Variants in TUBGCP4 observed in about 807,000 individuals in gnomAD.
TUBGCP4 encodes tubulin gamma complex component 4, also known as gamma-tubulin complex component 4.
TUBGCP4 carries 54 observed loss-of-function variants against 91.6 expected under a neutral mutation model. The ratio of observed to expected loss-of-function variants is 0.59; its 90% CI spans 0.47 to 0.74. The LOEUF is 0.74. TUBGCP4 is among the 30% of genes least tolerant of loss of function. TUBGCP4 has a pLI of 0.00. For missense variants in TUBGCP4, 593 were observed against 800.9 expected (o/e 0.74, Z 3.13); for synonymous variants, 297 against 302.8 (o/e 0.98, Z 0.20).
chr15:43,406,935 G>A lies in TUBGCP4; in HGVS notation c.*1721G>A, dbSNP rs1318094502. 4.1e-6 allele frequency: 1 copy of A among 241,478 alleles called. No homozygotes were observed. The highest frequency in any genetic ancestry group is 8.2e-6 in the Non-Finnish European group (1 of 121,820). 15.0% of individuals were successfully genotyped at this position (241,478 alleles called of 1,614,324 possible). ...GCATGAGGTCTTTTTTAACTGTCAG[G>A]AAACAGAGCTGTGCCCAATTCCACT... On this transcript the variant is annotated 3_prime_UTR_variant, in exon 18 of 18. Transcript: ENST00000564079.
At chr15:43,398,348 C>A in intron 13 of TUBGCP4, 169 bp downstream of exon 13, 4 of 618,534 alleles carry the variant, frequency 6.5e-6, no homozygotes, top group East Asian at 3.0e-5. Flanking sequence ...GATTTCAAAT[C>A]CATCCTGGGC....
chr15:43,387,894 G>C (rs2044403770), intron 9 of TUBGCP4, among the ~76,000 whole-genome samples: 3 of 152,070 alleles, frequency 2.0e-5, no homozygotes, highest in Admixed American at 2.0e-4. Flanking sequence ...TGTCACCCAG[G>C]CTGAAGTGCA....
chr15:43,371,278 G>C lies in TUBGCP4; in HGVS notation c.-77G>C. 1 of 1,427,836 alleles carries C rather than the reference G, an allele frequency of 7.0e-7. No individual in the cohort carries two copies. The highest frequency in any genetic ancestry group is 1.9e-5 in the Admixed American group (1 of 52,214). 88.4% of individuals were successfully genotyped at this position (1,427,836 alleles called of 1,614,324 possible). The stretch of plus-strand genomic sequence containing the variant: ...GGCCGGTGCGCGTGTGGAAGGGGAA[G>C]CACTCCCCTCGTGGTCGCCTGGAGG... On this transcript the variant is annotated 5_prime_UTR_variant, in exon 1 of 18. Transcript: ENST00000564079.
At chr15:43,403,400 ACT>A (rs2044739373) in intron 15 of TUBGCP4, 4 of 256,820 alleles carry the variant, frequency 1.6e-5, no homozygotes, top group Admixed American at 1.1e-4. Context: ...GCAGGAAGAC[ACT>A]CTGCGGGTCT....
At position 43,407,664 on chromosome 15, in the gene TUBGCP4, C is replaced by A; in HGVS notation, c.*2450C>A. The A allele has an allele frequency of 8.2e-7, 1 of 1,218,876 alleles. No homozygotes were observed. Among genetic ancestry groups the A allele is most frequent in the South Asian group, 1.5e-5 (1 of 65,840 alleles). The allele number at this position is 1,218,876 out of a possible 1,614,324, so 75.5% of individuals were successfully genotyped here. A position where few individuals can be genotyped will look rare whatever the true frequency, so the allele number is the denominator to read the frequency against. The stretch of plus-strand genomic sequence containing the variant: ...TTGATTCTAACCAATACATCCCACT[C>A]TGCACAAACCAAAGCCCTATTATGT... On this transcript the variant is annotated 3_prime_UTR_variant, in exon 18 of 18. Transcript: ENST00000564079.
intron 10 of TUBGCP4, 150 bp from the exon 11 acceptor site, chr15:43,395,433 A>T: frequency 1.4e-6 from 1 of 717,168 alleles, no homozygotes; most frequent in South Asian, 1.7e-5. Flanking sequence ...GGAACTAAGT[A>T]TGCCTCTTTG....
chr15:43,385,137 A>G (rs1482925006), intron 7 of TUBGCP4, among the ~76,000 whole-genome samples: 9 of 152,112 alleles, frequency 5.9e-5, no homozygotes, highest in African/African-American at 1.9e-4. Flanking sequence ...ACTTGTGGGA[A>G]ATGTTCAGTG....
At chr15:43,400,779 G>A (rs1175254472) in intron 14 of TUBGCP4, among the ~76,000 whole-genome samples, 13 of 152,086 alleles carry the variant, frequency 8.5e-5, no homozygotes, top group African/African-American at 2.4e-4. Flanking sequence ...TTAGCCAAGC[G>A]TGGTGGCGCC....
chr15:43,403,461 TAA>T (rs1451064025), intron 15 of TUBGCP4: 6 of 478,736 alleles, frequency 1.3e-5, no homozygotes, highest in Non-Finnish European at 2.3e-5. Flanking sequence ...GGTGCAGGGC[TAA>T]GAGAGTAATA....
At chr15:43,377,675 A>G in intron 4 of TUBGCP4, 172 bp from the exon 5 acceptor site, 1 of 567,444 alleles carries the variant, frequency 1.8e-6, no homozygotes, top group South Asian at 2.4e-5. Flanking sequence ...TCCTCTTCCT[A>G]TCTGCAGCGA....
intron 9 of TUBGCP4, among the ~76,000 whole-genome samples, chr15:43,387,050 T>A (rs1428266346): frequency 1.3e-5 from 2 of 152,244 alleles, no homozygotes; most frequent in Non-Finnish European, 2.9e-5. Flanking sequence ...GACTAAATTT[T>A]GTGTCTTGTA....
chr15:43,385,057 G>C (rs891056726), intron 7 of TUBGCP4, among the ~76,000 whole-genome samples: 2 of 152,192 alleles, frequency 1.3e-5, no homozygotes, highest in Non-Finnish European at 2.9e-5. Flanking sequence ...AAGTAGTGAC[G>C]ATAGGGGTGT....
chr15:43,404,317 A>C, intron 16 of TUBGCP4, 96 bp from the exon 17 acceptor site: 1 of 1,492,416 alleles, frequency 6.7e-7, no homozygotes. Flanking sequence ...AATTTTGAAC[A>C]AGGCTTTTCC....
chr15:43,382,249 AAAAAGG>A (rs1167374043), intron 6 of TUBGCP4, among the ~76,000 whole-genome samples: 1 of 144,810 alleles, frequency 6.9e-6, no homozygotes, highest in African/African-American at 2.7e-5. Flanking sequence ...AAAATAAAAG[AAAAAGG>A]GATTCTCTTA....
In TUBGCP4 at chr15:43,406,885, G is replaced by C. The variant is rs1041112443; in HGVS notation, c.*1671G>C. On this transcript the variant is annotated 3_prime_UTR_variant, in exon 18 of 18. Transcript: ENST00000564079. ...AGAGTTGGGGAGTACCCACAGGTGA[G>C]CTGTGATCTCAGCTCAGAGAGAGAG... The C allele has an allele frequency of 7.3e-6, 2 of 275,658 alleles. No individual in the cohort carries two copies. The highest frequency in any genetic ancestry group is 7.1e-6 in the Non-Finnish European group (1 of 140,516). The allele number at this position is 275,658 out of a possible 1,614,324, so 17.1% of individuals were successfully genotyped here.
At chr15:43,398,695 C>G (rs1383161032) in intron 13 of TUBGCP4, among the ~76,000 whole-genome samples, 1 of 152,138 alleles carries the variant, frequency 6.6e-6, no homozygotes, top group East Asian at 1.9e-4. Context: ...AAGGTCTCTC[C>G]CTCACTTTTG....
At chr15:43,396,328 G>C (rs2142861848) in intron 11 of TUBGCP4, among the ~76,000 whole-genome samples, 1 of 152,296 alleles carries the variant, frequency 6.6e-6, no homozygotes, top group Middle Eastern at 3.4e-3. Context: ...CCCTATCCCT[G>C]TATCAGTCAA....
At position 43,400,342 on chromosome 15, in the gene TUBGCP4, C is replaced by T. The variant is rs1264463508; in HGVS notation, c.1596+121C>T. 3.4e-5 allele frequency: 23 copies of T among 682,748 alleles called. No individual in the cohort carries two copies. The East Asian group carries it at 4.4e-4, about 13-fold the overall frequency. 42.3% of individuals were successfully genotyped at this position (682,748 alleles called of 1,614,324 possible). On this transcript the variant is annotated intron_variant, in intron 14 of 17. Coordinates refer to ENST00000564079, the MANE Select transcript of TUBGCP4 (RefSeq NM_014444.5). ...TAAAATGGTGGGGTTTGGGAAAATT[C>T]AGGAGTTATATCACCAAGCATGTTT...
chr15:43,395,802 G>A (rs2044571174), intron 11 of TUBGCP4, 114 bp downstream of exon 11: 3 of 809,330 alleles, frequency 3.7e-6, no homozygotes, highest in Non-Finnish European at 6.2e-6. Flanking sequence ...ATGAGTTACA[G>A]AGCAGTGGCT....
Sources: allele counts gnomAD v4.1 joint callset (sites outside exome capture counted in the v4.1 genomes callset), GRCh38; gene constraint gnomAD v4.1.1; transcripts MANE v1.5; gene names NCBI Gene and HGNC (gene_info 2026-07-23, HGNC 2026-07-21).